Variants in GTF2F2 observed in about 807,000 individuals in gnomAD.
The protein encoded by GTF2F2 is ATP-dependent helicase GTF2F2.
GTF2F2 carries 23 observed loss-of-function variants against 42.2 expected under a neutral mutation model. That is an observed-to-expected ratio of 0.55 (90% CI 0.39 to 0.77). The LOEUF (loss-of-function observed/expected upper bound fraction) is 0.77. GTF2F2 is among the 30% of genes least tolerant of loss of function. The pLI, the probability that GTF2F2 is intolerant of heterozygous loss-of-function variation, is 0.00. For missense variants in GTF2F2, 261 were observed against 287.2 expected (o/e 0.91, Z 0.66); for synonymous variants, 105 against 100.8 (o/e 1.04, Z -0.25).
intron 4 of GTF2F2, among the ~76,000 whole-genome samples, chr13:45,201,955 T>G (rs1018775463): frequency 2.5e-4 from 38 of 152,104 alleles, no homozygotes; most frequent in African/African-American, 8.9e-4. Flanking sequence ...GTTGAACATT[T>G]CAAGCACAAG....
chr13:45,279,782 G>A (rs1169088864), intron 7 of GTF2F2, among the ~76,000 whole-genome samples: 1 of 152,144 alleles, frequency 6.6e-6, no homozygotes, highest in Non-Finnish European at 1.5e-5. Flanking sequence ...TCACATGCCT[G>A]TAATCCCAGC....
chr13:45,163,696 A>G (rs928480684), intron 4 of GTF2F2, among the ~76,000 whole-genome samples: 5 of 152,216 alleles, frequency 3.3e-5, no homozygotes, highest in African/African-American at 1.2e-4. Context: ...AGGTTATAGT[A>G]GCATGATTTT....
At chr13:45,260,708 C>T (rs1021748866) in intron 6 of GTF2F2, among the ~76,000 whole-genome samples, 23 of 152,124 alleles carry the variant, frequency 1.5e-4, no homozygotes, top group Non-Finnish European at 2.9e-5. Flanking sequence ...AAAGGATTGT[C>T]AACATTTGGT....
At chr13:45,189,811 T>A (rs1003057680) in intron 4 of GTF2F2, among the ~76,000 whole-genome samples, 1 of 152,176 alleles carries the variant, frequency 6.6e-6, no homozygotes, top group African/African-American at 2.4e-5. Context: ...ATCAATGGGT[T>A]GCAAATTAAG....
chr13:45,270,327 G>GT (rs1334083307), intron 7 of GTF2F2, among the ~76,000 whole-genome samples: 1 of 152,064 alleles, frequency 6.6e-6, no homozygotes, highest in Admixed American at 6.5e-5. Flanking sequence ...ATCTTAGTCT[G>GT]TTTTTTGTTA....
At chr13:45,174,786 C>CT (rs1871791781) in intron 4 of GTF2F2, among the ~76,000 whole-genome samples, 1 of 151,918 alleles carries the variant, frequency 6.6e-6, no homozygotes, top group Non-Finnish European at 1.5e-5. Context: ...TCATTGAGGT[C>CT]TAGGGCCTTA....
intron 5 of GTF2F2, among the ~76,000 whole-genome samples, chr13:45,210,771 A>T (rs1363456255): frequency 1.3e-5 from 2 of 152,186 alleles, no homozygotes; most frequent in African/African-American, 4.8e-5. Flanking sequence ...TATGGTAAGA[A>T]ATTTGGACAG....
At chr13:45,216,485 C>T (rs1873894175) in intron 5 of GTF2F2, among the ~76,000 whole-genome samples, 1 of 151,858 alleles carries the variant, frequency 6.6e-6, no homozygotes, top group Admixed American at 6.6e-5. Flanking sequence ...TGGGGCTGTA[C>T]GTCTTTTTTA....
At chr13:45,149,847 T>A in intron 3 of GTF2F2, 59 bp downstream of exon 3, 1 of 1,426,508 alleles carries the variant, frequency 7.0e-7, no homozygotes, top group Non-Finnish European at 9.4e-7. Flanking sequence ...TCATTAATAA[T>A]AGTGAAAAAA....
chr13:45,134,732 C>A (rs1171246389), intron 1 of GTF2F2, among the ~76,000 whole-genome samples: 2 of 152,090 alleles, frequency 1.3e-5, no homozygotes, highest in African/African-American at 4.8e-5. Flanking sequence ...AGCATGTATA[C>A]CCTTGTGAGA....
chr13:45,180,001 A>G (rs936165768), intron 4 of GTF2F2, among the ~76,000 whole-genome samples: 4 of 152,112 alleles, frequency 2.6e-5, no homozygotes, highest in Non-Finnish European at 5.9e-5. Context: ...GAGTCATTAT[A>G]TTATCTTTTT....
intron 4 of GTF2F2, among the ~76,000 whole-genome samples, chr13:45,160,724 T>TA (rs1281875143): frequency 1.3e-5 from 2 of 151,904 alleles, no homozygotes; most frequent in Non-Finnish European, 2.9e-5. Flanking sequence ...AATTTTCACT[T>TA]AAAAAGTTGA....
intron 5 of GTF2F2, among the ~76,000 whole-genome samples, chr13:45,211,385 T>C (rs1240780162): frequency 2.0e-5 from 3 of 151,312 alleles, no homozygotes; most frequent in Non-Finnish European, 4.4e-5. Context: ...TTTTTTTTTT[T>C]TTAAACTGTG....
At chr13:45,167,469 C>G (rs571021414) in intron 4 of GTF2F2, among the ~76,000 whole-genome samples, 1 of 148,426 alleles carries the variant, frequency 6.7e-6, no homozygotes, top group East Asian at 2.0e-4. Flanking sequence ...GCTATCTCAG[C>G]TCACTGCAAC....
At chr13:45,259,026 TTTCTCATAAGGAATTCCTTTTC>T (rs1414135539) in intron 6 of GTF2F2, among the ~76,000 whole-genome samples, 1 of 152,188 alleles carries the variant, frequency 6.6e-6, no homozygotes, top group African/African-American at 2.4e-5. Flanking sequence ...TCTTATAAAC[TTTCTCATAAGGAATTCCTTTTC>T]TTCTCATAAG....
chr13:45,270,666 C>T (rs1269087886), intron 7 of GTF2F2, among the ~76,000 whole-genome samples: 1 of 152,172 alleles, frequency 6.6e-6, no homozygotes, highest in Non-Finnish European at 1.5e-5. Context: ...GATATACAAA[C>T]CACAGCAGGT....
In GTF2F2 at chr13:45,149,688, G is replaced by GTT. The variant is rs141823802; in HGVS notation, c.141-74_141-73dup. On this transcript the variant is annotated intron_variant, in intron 2 of 7. Transcript: ENST00000340473. ...ATGTAATATTTTATGTAAATATGAAGTTTTTTTTTAAGCTCTTAACTCACA... is the reference window on the plus strand; with the variant it reads ...ATGTAATATTTTATGTAAATATGAAGTTTTTTTTTTTAAGCTCTTAACTCACA... 1.3e-3 allele frequency: 1,643 copies of GTT among 1,281,334 alleles called. 1 individual carries two copies. Among genetic ancestry groups the GTT allele is most frequent in the Non-Finnish European group, 1.4e-3 (1,342 of 958,796 alleles). The allele number at this position is 1,281,334 out of a possible 1,614,324, so 79.4% of individuals were successfully genotyped here.
intron 7 of GTF2F2, among the ~76,000 whole-genome samples, chr13:45,273,655 A>AGTTTTTTTTTTTTTTT (rs1555273613): frequency 8.1e-6 from 1 of 123,864 alleles, no homozygotes; most frequent in Non-Finnish European, 1.6e-5. Context: ...GAGTGGTAAA[A>AGTTTTTTTTTTTTTTT]TTTTTTTTTT....
intron 4 of GTF2F2, among the ~76,000 whole-genome samples, chr13:45,165,159 G>T (rs942773210): frequency 6.6e-6 from 1 of 150,558 alleles, no homozygotes; most frequent in Non-Finnish European, 1.5e-5. Flanking sequence ...GCAACATTAA[G>T]AAATAAAGAG....
Sources: allele counts gnomAD v4.1 joint callset (sites outside exome capture counted in the v4.1 genomes callset), GRCh38; gene constraint gnomAD v4.1.1; transcripts MANE v1.5; gene names NCBI Gene and HGNC (gene_info 2026-07-23, HGNC 2026-07-21).